Variants in VEPH1 observed in about 807,000 individuals in gnomAD.
VEPH1 encodes the protein ventricular zone expressed PH domain containing 1.
VEPH1 carries 80 observed loss-of-function variants against 85.2 expected under a neutral mutation model. The ratio of observed to expected loss-of-function variants is 0.94; its 90% CI spans 0.78 to 1.13. VEPH1 has a LOEUF of 1.13. Among genes scored for constraint, VEPH1 ranks in the 50% most tolerant of loss-of-function variants. The pLI is 0.00. For synonymous variants in VEPH1, 297 were observed against 348.0 expected (o/e 0.85, Z 1.63); for missense variants, 955 against 980.5 (o/e 0.97, Z 0.35).
chr3:157,468,557 A>G (rs899152855), intron 3 of VEPH1, among the ~76,000 whole-genome samples: 1 of 152,206 alleles, frequency 6.6e-6, no homozygotes, highest in Non-Finnish European at 1.5e-5. Flanking sequence ...CCTGGGCGAC[A>G]GAGCGAGACT....
At chr3:157,355,184 C>G (rs1409795448) in intron 9 of VEPH1, among the ~76,000 whole-genome samples, 2 of 152,202 alleles carry the variant, frequency 1.3e-5, no homozygotes, top group Non-Finnish European at 2.9e-5. Flanking sequence ...AACCGTGTTC[C>G]TTTTCTGCAG....
intron 10 of VEPH1, 120 bp from the exon 11 acceptor site, chr3:157,313,875 T>C: frequency 8.0e-7 from 1 of 1,242,412 alleles, no homozygotes; most frequent in South Asian, 1.5e-5. Flanking sequence ...TAATTTTAAA[T>C]GAAACAAGAA....
At chr3:157,304,711 C>G (rs997546083) in intron 11 of VEPH1, among the ~76,000 whole-genome samples, 6 of 152,084 alleles carry the variant, frequency 3.9e-5, no homozygotes, top group Admixed American at 3.9e-4. Context: ...GTAAACTGCT[C>G]ATTTACATAA....
At chr3:157,459,202 A>G (rs1735621701) in intron 4 of VEPH1, among the ~76,000 whole-genome samples, 2 of 152,204 alleles carry the variant, frequency 1.3e-5, no homozygotes, top group Admixed American at 1.3e-4. Context: ...CCAGGAGTGG[A>G]GTCCATTCCT....
At chr3:157,281,319 G>A (rs2108344734) in intron 12 of VEPH1, among the ~76,000 whole-genome samples, 1 of 152,230 alleles carries the variant, frequency 6.6e-6, no homozygotes, top group East Asian at 1.9e-4. Context: ...GTATTGCAAA[G>A]TATCTGAACA....
intron 9 of VEPH1, among the ~76,000 whole-genome samples, chr3:157,338,134 G>A (rs1723145005): frequency 6.6e-6 from 1 of 152,138 alleles, no homozygotes; most frequent in South Asian, 2.1e-4. Flanking sequence ...TGCAATTAAT[G>A]TCTATGATAA....
chr3:157,412,542 A>G (rs1182371604), intron 6 of VEPH1, among the ~76,000 whole-genome samples: 1 of 152,180 alleles, frequency 6.6e-6, no homozygotes, highest in Non-Finnish European at 1.5e-5. Flanking sequence ...TCAGTTAAAC[A>G]GCTGTCAGGC....
intron 6 of VEPH1, among the ~76,000 whole-genome samples, chr3:157,408,670 G>T (rs1261404034): frequency 1.3e-5 from 2 of 152,140 alleles, no homozygotes; most frequent in Non-Finnish European, 1.5e-5. Flanking sequence ...AGTATAGACT[G>T]GGAGTGACTA....
intron 9 of VEPH1, among the ~76,000 whole-genome samples, chr3:157,339,057 T>G (rs1385519498): frequency 6.6e-6 from 1 of 152,184 alleles, no homozygotes; most frequent in Non-Finnish European, 1.5e-5. Flanking sequence ...GGTTCTCCAC[T>G]CTAGTTCTGG....
intron 6 of VEPH1, among the ~76,000 whole-genome samples, chr3:157,384,619 G>A (rs1391349427): frequency 6.6e-6 from 1 of 152,134 alleles, no homozygotes; most frequent in East Asian, 1.9e-4. Context: ...ATGATCGCTG[G>A]CAGCCAACTG....
chr3:157,455,262 T>A (rs1220357022), intron 4 of VEPH1, among the ~76,000 whole-genome samples: 3 of 152,204 alleles, frequency 2.0e-5, no homozygotes, highest in Non-Finnish European at 4.4e-5. Flanking sequence ...ATCTATTGTT[T>A]TCTGAATTTT....
chr3:157,266,242 G>A (rs894214057), intron 12 of VEPH1, among the ~76,000 whole-genome samples: 1 of 151,358 alleles, frequency 6.6e-6, no homozygotes, highest in African/African-American at 2.4e-5. Flanking sequence ...ACACCAAGCA[G>A]CAAAGGCAAA....
Position 157,497,743 on chromosome 3 carries a change from T to G in VEPH1, c.-157-2237A>C, listed in dbSNP as rs140240902. On this transcript the variant is annotated intron_variant, in intron 1 of 13. Coordinates refer to ENST00000362010, the MANE Select transcript of VEPH1 (RefSeq NM_001167912.2). ...TCTTTCTGCACACTCCACATTTACA[T>G]GACACCTGGTGTGGAGTCCCACATT... Among the ~76,000 whole-genome samples, 587 of 152,280 alleles carry G rather than the reference T, an allele frequency of 3.9e-3. 3 individuals are homozygous for G. The highest frequency in any genetic ancestry group is 5.6e-3 in the Non-Finnish European group (380 of 68,012).
chr3:157,278,213 G>A (rs1342934184), intron 12 of VEPH1, among the ~76,000 whole-genome samples: 1 of 152,168 alleles, frequency 6.6e-6, no homozygotes, highest in African/African-American at 2.4e-5. Context: ...GTATGCATCG[G>A]GGGGTTACAA....
chr3:157,470,415 G>A lies in VEPH1; in HGVS notation c.253C>T (p.Leu85Phe), dbSNP rs746147498. The A allele has an allele frequency of 4.8e-5, 78 of 1,614,022 alleles. No homozygotes were observed. The highest frequency in any genetic ancestry group is 6.1e-5 in the Non-Finnish European group (72 of 1,180,032). ...TTATGTTCCAAGCAGGAGTCCCAGA[G>A]CCCCACAAGGGCCTTTGCATGCTTT... The part of the protein sequence containing the change: ...IEKHAKALVG[L>F]WDSCLEHNLR... The change falls in exon 3 of 14, where the codon CTC becomes TTC. Residue 85 changes from leucine to phenylalanine, a missense_variant. By Grantham distance (22) the Leu-to-Phe change is conservative (BLOSUM62 0). Transcript: ENST00000362010.
rs1378976229 is a variant in VEPH1 at position 157,260,833 on chromosome 3, C to CT, written c.*300dup. The CT allele has an allele frequency of 1.1e-5, 3 of 279,866 alleles. No individual in the cohort carries two copies. The highest frequency in any genetic ancestry group is 5.0e-5 in the Admixed American group (1 of 19,870). 17.3% of individuals were successfully genotyped at this position (279,866 alleles called of 1,614,324 possible). A position where few individuals can be genotyped will look rare whatever the true frequency, so the allele number is the denominator to read the frequency against. ...TTTAAATGACATATCTACAGAAGTT[C>CT]TTTTATCAGTGACTTTTCCCTTCCT... On this transcript the variant is annotated 3_prime_UTR_variant, in exon 14 of 14. Coordinates refer to ENST00000362010, the MANE Select transcript of VEPH1 (RefSeq NM_001167912.2).
chr3:157,396,797 T>C (rs974505870), intron 6 of VEPH1, among the ~76,000 whole-genome samples: 13 of 152,204 alleles, frequency 8.5e-5, no homozygotes, highest in African/African-American at 2.7e-4. Context: ...TTGTTTGTTT[T>C]TTTTTCTTGT....
chr3:157,340,070 C>A (rs1039781908), intron 9 of VEPH1, among the ~76,000 whole-genome samples: 7 of 152,186 alleles, frequency 4.6e-5, no homozygotes, highest in Admixed American at 4.6e-4. Context: ...ATAGGAACAG[C>A]TCCAGTCTAC....
intron 6 of VEPH1, among the ~76,000 whole-genome samples, chr3:157,381,966 C>A (rs1355852933): frequency 6.6e-6 from 1 of 152,124 alleles, no homozygotes; most frequent in East Asian, 1.9e-4. Flanking sequence ...AATGATGAGA[C>A]CCCACACATG....
Sources: gnomAD v4.1 joint callset for allele counts (sites outside exome capture counted in the v4.1 genomes callset) on GRCh38, gnomAD v4.1.1 for gene constraint, MANE v1.5 for transcripts, NCBI Gene and HGNC (gene_info 2026-07-23, HGNC 2026-07-21) for gene names.